Variants in CRLF2 observed in about 807,000 individuals in gnomAD.
The protein encoded by CRLF2 is cytokine receptor like factor 2, also known as cytokine receptor-like factor 2.
In CRLF2, 41 loss-of-function variants were observed where a neutral mutation model predicts 38.7. The ratio of observed to expected loss-of-function variants is 1.06; its 90% confidence interval spans 0.83 to 1.37. The LOEUF (loss-of-function observed/expected upper bound fraction) is 1.37, where lower values mean the gene tolerates loss of function less well. CRLF2 is among the 40% of genes most tolerant of loss of function. The pLI is 0.00. For synonymous variants in CRLF2, 140 were observed against 128.8 expected, an observed-to-expected ratio of 1.09 and a Z score of -0.59; for missense variants, 377 against 322.2, an observed-to-expected ratio of 1.17 and a Z score of -1.30.
intron 6 of CRLF2, among the ~76,000 whole-genome samples, chrX:1,195,314 C>A (rs2086456613): frequency 6.6e-6 from 1 of 152,018 alleles, no homozygotes; most frequent in Non-Finnish European, 1.5e-5. Context: ...GGATTCAAAG[C>A]CAAAAATTCA....
intron 3 of CRLF2, among the ~76,000 whole-genome samples, chrX:1,203,967 TA>T (rs2086650531): frequency 6.6e-6 from 1 of 151,652 alleles, no homozygotes; most frequent in South Asian, 2.1e-4. Context: ...GGATAAAGAA[TA>T]AACATTTTGG....
chrX:1,199,973 G>A (rs1338064821), intron 4 of CRLF2, among the ~76,000 whole-genome samples: 2 of 150,558 alleles, frequency 1.3e-5, no homozygotes, highest in Non-Finnish European at 3.0e-5. Flanking sequence ...TGTATATTAG[G>A]TGTGTATATA....
chrX:1,202,161 G>C (rs1276041087), intron 4 of CRLF2, among the ~76,000 whole-genome samples: 4 of 152,040 alleles, frequency 2.6e-5, no homozygotes, highest in Non-Finnish European at 5.9e-5. Context: ...TAGATAAATA[G>C]ATTGATAGAC....
chrX:1,192,432 G>C (rs1282957690), intron 7 of CRLF2, among the ~76,000 whole-genome samples: 1 of 149,750 alleles, frequency 6.7e-6, no homozygotes, highest in Non-Finnish European at 1.5e-5. Flanking sequence ...GGACAACATG[G>C]TGAAAAAACC....
chrX:1,204,940 C>T (rs1311989246), intron 3 of CRLF2, among the ~76,000 whole-genome samples: 19 of 152,146 alleles, frequency 1.2e-4, no homozygotes, highest in Admixed American at 1.2e-3. Flanking sequence ...CTGCCTCAGC[C>T]TCCCGAACAG....
At position 1,196,907 on chromosome X, in the gene CRLF2, C is replaced by T. The variant is rs1569467993; in HGVS notation, c.647-7G>A. ...GGTGTCTCTGCACAGGCATCTGAAACAAAATGAAAAGGCGGCTGTCAGTTT... is the reference window on the plus strand; with the variant it reads ...GGTGTCTCTGCACAGGCATCTGAAATAAAATGAAAAGGCGGCTGTCAGTTT... On this transcript the variant is annotated splice_polypyrimidine_tract_variant and splice_region_variant and intron_variant, in intron 5 of 7. Transcript: ENST00000400841. 2 of 1,611,146 alleles carry T rather than the reference C, an allele frequency of 1.2e-6. No individual in the cohort carries two copies. The highest frequency in any genetic ancestry group is 1.7e-6 in the Non-Finnish European group (2 of 1,178,796).
chrX:1,201,798 GGGTA>G (rs201600450), intron 4 of CRLF2, among the ~76,000 whole-genome samples: 31,181 of 151,646 alleles, frequency 0.21, 3,804 homozygotes, highest in African/African-American at 0.35. Context: ...TAGAGATAAT[GGGTA>G]GGTAGTTAGA....
intron 3 of CRLF2, among the ~76,000 whole-genome samples, chrX:1,205,969 G>C (rs1448477896): frequency 6.6e-6 from 1 of 151,986 alleles, no homozygotes; most frequent in Non-Finnish European, 1.5e-5. Context: ...ATAACCTGAA[G>C]GAAGTAGCGA....
At chrX:1,202,723 T>C (rs2086630135) in intron 3 of CRLF2, among the ~76,000 whole-genome samples, 188 bp from the exon 4 acceptor site, 1 of 152,044 alleles carries the variant, frequency 6.6e-6, no homozygotes, top group South Asian at 2.1e-4. Context: ...TGTAGGTTTG[T>C]GAAGGAAGGA....
chrX:1,196,800 C>T lies in CRLF2; in HGVS notation c.747G>A (p.Leu249=), dbSNP rs1311780453. The T allele has an allele frequency of 2.9e-5, 46 of 1,613,168 alleles. No individual in the cohort carries two copies. Among genetic ancestry groups the T allele is most frequent in the Non-Finnish European group, 3.8e-5 (45 of 1,179,514 alleles). ...CTTACCTCCATAATTTCCATAAAGACAGAAGGAGGAGAGACACCATCAGAA... is the reference window on the plus strand; with the variant it reads ...CTTACCTCCATAATTTCCATAAAGATAGAAGGAGGAGAGACACCATCAGAA... The part of the protein sequence containing the change: ...AILLMVSLLL[L]SLWKLWRVKK... Residue 249 remains leucine, a synonymous_variant, in exon 6 of 8, where the codon CTG becomes CTA. Coordinates refer to ENST00000400841, the MANE Select transcript of CRLF2 (RefSeq NM_022148.4).
At chrX:1,194,423 T>C (rs1343616778) in intron 6 of CRLF2, among the ~76,000 whole-genome samples, 12 of 151,362 alleles carry the variant, frequency 7.9e-5, no homozygotes, top group African/African-American at 2.4e-4. Flanking sequence ...GATCACACCA[T>C]TGCACTCCAG....
intron 2 of CRLF2, among the ~76,000 whole-genome samples, chrX:1,207,377 T>G (rs1228926781): frequency 2.6e-5 from 4 of 151,830 alleles, no homozygotes; most frequent in Non-Finnish European, 5.9e-5. Flanking sequence ...TGCCTCAGCC[T>G]CCCAAGTTGC....
chrX:1,199,708 T>C (rs1448661537), intron 4 of CRLF2, among the ~76,000 whole-genome samples: 1 of 152,060 alleles, frequency 6.6e-6, no homozygotes, highest in African/African-American at 2.4e-5. Context: ...TGTAGATATA[T>C]GTACCAATAA....
At position 1,209,286 on chromosome X, in the gene CRLF2, G is replaced by A. The variant is rs773266248; in HGVS notation, c.80-378C>T. ...CTGACGTATTGTATTGCATTGTATT[G>A]CATTGTATTGTAGTGTAGTGTAGTG... On this transcript the variant is annotated intron_variant, in intron 1 of 7. Transcript: ENST00000400841. 1.9e-4 allele frequency among the ~76,000 whole-genome samples: 26 copies of A among 139,468 alleles called. No homozygotes were observed. In the East Asian group the frequency reaches 4.0e-3, roughly 21 times the overall value. 91.5% of individuals were successfully genotyped at this position (139,468 alleles called of 152,430 possible). A position where few individuals can be genotyped will look rare whatever the true frequency, so the allele number is the denominator to read the frequency against.
intron 6 of CRLF2, among the ~76,000 whole-genome samples, chrX:1,194,307 C>T (rs1416035973): frequency 5.3e-5 from 8 of 151,772 alleles, no homozygotes; most frequent in Non-Finnish European, 8.8e-5. Context: ...ACAAAATATA[C>T]AAAAATTAGC....
intron 3 of CRLF2, among the ~76,000 whole-genome samples, chrX:1,206,014 A>C (rs1258348540): frequency 6.6e-6 from 1 of 152,034 alleles, no homozygotes; most frequent in Non-Finnish European, 1.5e-5. Context: ...TGGTTACGGT[A>C]ATCATTGATC....
At chrX:1,204,879 G>A (rs1275615216) in intron 3 of CRLF2, among the ~76,000 whole-genome samples, 1 of 151,372 alleles carries the variant, frequency 6.6e-6, no homozygotes, top group Non-Finnish European at 1.5e-5. Flanking sequence ...GAGTGCAGTG[G>A]CACCAACGTG....
At chrX:1,205,232 A>G (rs1376998166) in intron 3 of CRLF2, among the ~76,000 whole-genome samples, 1 of 152,212 alleles carries the variant, frequency 6.6e-6, no homozygotes, top group African/African-American at 2.4e-5. Context: ...ACTTCCTGGA[A>G]GGCCGGTTTC....
rs140859855 is a variant in CRLF2 at position 1,212,602 on chromosome X, G to T, written c.33C>A (p.Ala11=). The stretch of plus-strand genomic sequence containing the variant: ...CCATCCAGCCTCCCAGCAGAAAGAC[G>T]GCAGCTCCCCACAGCAGAACCAGCC... MGRLVLLWGA[A]VFLLGGWMAL... Residue 11 remains alanine, a synonymous_variant, in exon 1 of 8, where the codon GCC becomes GCA. Transcript: ENST00000400841. 3 of 1,611,856 alleles carry T rather than the reference G, an allele frequency of 1.9e-6. No homozygotes were observed. Among genetic ancestry groups the T allele is most frequent in the East Asian group, 2.2e-5 (1 of 44,784 alleles).
Sources: allele counts gnomAD v4.1 joint callset (sites outside exome capture counted in the v4.1 genomes callset), GRCh38; gene constraint gnomAD v4.1.1; transcripts MANE v1.5; gene names NCBI Gene and HGNC (gene_info 2026-07-23, HGNC 2026-07-21).